Variants in MRPS22 observed in about 807,000 individuals in gnomAD.
MRPS22 encodes small ribosomal subunit protein mS22.
A neutral mutation model predicts 44.0 loss-of-function variants in MRPS22; 30 were observed. That is an observed-to-expected ratio of 0.68 (90% CI 0.51 to 0.93). The LOEUF is 0.93. MRPS22 is among the 40% of genes least tolerant of loss of function. MRPS22 has a pLI of 0.00. For missense variants in MRPS22, 447 were observed against 447.8 expected (o/e 1.00, Z 0.02); for synonymous variants, 165 against 154.4 (o/e 1.07, Z -0.51).
rs760726711 is a variant in MRPS22 at position 139,352,797 on chromosome 3, G to C, written c.878+5G>C. The C allele has an allele frequency of 6.2e-7, 1 of 1,612,570 alleles. No homozygotes were observed. Among genetic ancestry groups the C allele is most frequent in the Non-Finnish European group, 8.5e-7 (1 of 1,179,132 alleles). On this transcript the variant is annotated splice_donor_5th_base_variant and intron_variant, in intron 6 of 7. Transcript: ENST00000680020. ...TGACCAGATTCAGAGAGATTTGTAAGTATGATCTTAGTAAGTGAAAGAATC... is the reference window on the plus strand; with the variant it reads ...TGACCAGATTCAGAGAGATTTGTAACTATGATCTTAGTAAGTGAAAGAATC...
intron 4 of MRPS22, chr3:139,350,553 G>A: frequency 2.0e-6 from 1 of 507,246 alleles, no homozygotes; most frequent in Non-Finnish European, 3.5e-6. Context: ...TCAGCCTCAT[G>A]AGTAGCTGGG....
chr3:139,347,015 A>G lies in MRPS22; in HGVS notation c.310A>G (p.Lys104Glu). 1 of 1,614,208 alleles carries G rather than the reference A, an allele frequency of 6.2e-7. No homozygotes were observed. Among genetic ancestry groups the G allele is most frequent in the South Asian group, 1.1e-5 (1 of 91,088 alleles). ...ACAAGAACTGAAGCCACCAACCTATAAGCTAATGACTCAGGCACAGTTGGA... is the reference window on the plus strand; with the variant it reads ...ACAAGAACTGAAGCCACCAACCTATGAGCTAATGACTCAGGCACAGTTGGA... ...AIQELKPPTYKLMTQAQLEEA... is the reference protein window; with the variant it reads ...AIQELKPPTYELMTQAQLEEA... The change falls in exon 2 of 8, where the codon AAG becomes GAG. Residue 104 changes from lysine (K) to glutamate (E), a missense_variant. Physicochemically the swap from Lys to Glu is moderately conservative, Grantham distance 56 (BLOSUM62 1). Coordinates refer to ENST00000680020, the MANE Select transcript of MRPS22 (RefSeq NM_020191.4).
chr3:139,355,560 C>A, intron 6 of MRPS22, 122 bp from the exon 7 acceptor site: 1 of 841,006 alleles, frequency 1.2e-6, no homozygotes, highest in Non-Finnish European at 2.0e-6. Flanking sequence ...GGTCCTTCCC[C>A]AATCCCTCCA....
chr3:139,350,901 A>G, intron 4 of MRPS22, 76 bp from the exon 5 acceptor site: 1 of 1,121,074 alleles, frequency 8.9e-7, no homozygotes. Flanking sequence ...GTGGGTGGGC[A>G]GGCCTGTCAT....
intron 1 of MRPS22, among the ~76,000 whole-genome samples, chr3:139,346,205 T>C (rs1317705195): frequency 6.6e-6 from 1 of 152,112 alleles, no homozygotes; most frequent in African/African-American, 2.4e-5. Context: ...GCCTAGACTT[T>C]CCCTCCCTTT....
At position 139,352,688 on chromosome 3, in the gene MRPS22, A is replaced by T. The variant is rs751448517; in HGVS notation, c.774A>T (p.Lys258Asn). The change falls in exon 6 of 8, where the codon AAA becomes AAT. Residue 258 changes from lysine (K) to asparagine (N), a missense_variant. Physicochemically the swap from Lys to Asn is moderately conservative, Grantham distance 94. Coordinates refer to ENST00000680020, the MANE Select transcript of MRPS22 (RefSeq NM_020191.4). ...ATGAAGATATAGATAAACGTGGAAA[A>T]TATGACCTTTTACGTTCAACAAGAT... ...KTYEDIDKRG[K>N]YDLLRSTRYF... 2.5e-6 allele frequency: 4 copies of T among 1,613,476 alleles called. No individual in the cohort carries two copies. In the African/African-American group the frequency reaches 4.0e-5, roughly 16 times the overall value.
chr3:139,348,876 T>C (rs1941093654), intron 3 of MRPS22: 2 of 130,130 alleles, frequency 1.5e-5, no homozygotes, highest in Admixed American at 8.9e-5. Context: ...CTTTACTTGA[T>C]TGCAAATTTA....
rs147561953 is a variant in MRPS22 at position 139,346,910 on chromosome 3, A to G, written c.205A>G (p.Thr69Ala). The G allele has an allele frequency of 5.0e-6, 8 of 1,614,154 alleles. No individual in the cohort carries two copies. In the East Asian group the frequency reaches 1.8e-4, roughly 36 times the overall value. ...ESGSPETKKP[T>A]FMDEEVQSIL... Reference sequence around the variant, plus strand: ...TGGTAGCCCAGAGACCAAGAAACCTACATTTATGGATGAGGAAGTTCAAAG... The same window carrying G: ...TGGTAGCCCAGAGACCAAGAAACCTGCATTTATGGATGAGGAAGTTCAAAG... The change falls in exon 2 of 8, where the codon ACA (threonine) becomes GCA (alanine). Residue 69 changes from threonine to alanine, a missense_variant. By Grantham distance (58) the Thr-to-Ala change is moderately conservative. Coordinates refer to ENST00000680020, the MANE Select transcript of MRPS22 (RefSeq NM_020191.4).
intron 2 of MRPS22, 51 bp downstream of exon 2, chr3:139,347,095 C>T: frequency 6.2e-7 from 1 of 1,600,784 alleles, no homozygotes. Context: ...AGGGTTTAAA[C>T]AACATTTCTA....
intron 5 of MRPS22, 198 bp from the exon 6 acceptor site, chr3:139,352,449 T>C (rs1941168992): frequency 1.9e-6 from 1 of 523,824 alleles, no homozygotes; most frequent in South Asian, 2.0e-5. Context: ...TCTTTCTTAA[T>C]AGAATCCTCC....
At position 139,352,781 on chromosome 3, in the gene MRPS22, T is replaced by G. The variant is rs748724919; in HGVS notation, c.867T>G (p.Ile289Met). The change falls in exon 6 of 8, where the codon ATT becomes ATG. Residue 289 changes from isoleucine (I) to methionine (M), a missense_variant. Physicochemically the swap from Ile to Met is conservative, Grantham distance 10 (BLOSUM62 1). Coordinates refer to ENST00000680020, the MANE Select transcript of MRPS22 (RefSeq NM_020191.4). ...KKIDGLLIDQ[I>M]QRDLIDDATN... ...TTGATGGTTTGCTGATTGACCAGAT[T>G]CAGAGAGATTTGTAAGTATGATCTT... 1.2e-6 allele frequency: 2 copies of G among 1,613,380 alleles called. No homozygotes were observed. The highest frequency in any genetic ancestry group is 8.5e-7 in the Non-Finnish European group (1 of 1,179,546).
intron 1 of MRPS22, among the ~76,000 whole-genome samples, chr3:139,345,100 C>T (rs1941014234): frequency 6.6e-6 from 1 of 152,148 alleles, no homozygotes; most frequent in Non-Finnish European, 1.5e-5. Flanking sequence ...CCCTGAGGAA[C>T]CCTGGGTGCC....
Position 139,344,040 on chromosome 3 carries a change from G to A in MRPS22, c.14G>A (p.Gly5Glu), listed in dbSNP as rs1248214117. The A allele has an allele frequency of 1.9e-6, 3 of 1,614,158 alleles. No individual in the cohort carries two copies. The highest frequency in any genetic ancestry group is 2.7e-5 in the African/African-American group (2 of 75,060). MAPL[G>E]TTVLLWSLLR... ...CTTCTGATAATCATGGCGCCCCTCG[G>A]AACAACTGTATTGCTGTGGAGCCTC... Residue 5 changes from glycine to glutamate, a missense_variant, in exon 1 of 8, where the codon GGA becomes GAA. Transcript: ENST00000680020.
At chr3:139,350,801 T>A (rs1300848206) in intron 4 of MRPS22, 176 bp from the exon 5 acceptor site, 8 of 666,662 alleles carry the variant, frequency 1.2e-5, no homozygotes, top group African/African-American at 3.6e-5. Context: ...CTCTCATAAT[T>A]GGCTTAGCTG....
At chr3:139,348,089 G>A in intron 2 of MRPS22, 71 bp from the exon 3 acceptor site, 3 of 1,507,986 alleles carry the variant, frequency 2.0e-6, no homozygotes, top group Non-Finnish European at 2.7e-6. Context: ...TTATTAGTAT[G>A]TGCTTTTGTC....
chr3:139,355,734 G>A lies in MRPS22; in HGVS notation c.931G>A (p.Gly311Ser). The change falls in exon 7 of 8, where the codon GGC (glycine) becomes AGC (serine). Residue 311 changes from glycine to serine, a missense_variant. Transcript: ENST00000680020. The stretch of plus-strand genomic sequence containing the variant: ...GCTGTATCACGTGCTCCATCCAGAT[G>A]GCCAGTCGGCTCAAGGGGCCAAGGA... ...VQLYHVLHPDGQSAQGAKDQA... is the reference protein window; with the variant it reads ...VQLYHVLHPDSQSAQGAKDQA... The A allele has an allele frequency of 6.2e-7, 1 of 1,614,156 alleles. No individual in the cohort carries two copies. Among genetic ancestry groups the A allele is most frequent in the East Asian group, 2.2e-5 (1 of 44,888 alleles).
chr3:139,349,572 A>G (rs1489741898), intron 3 of MRPS22: 1 of 220,520 alleles, frequency 4.5e-6, no homozygotes. Context: ...TGTGTGGGGT[A>G]AATTTCCAGT....
chr3:139,347,113 C>G, intron 2 of MRPS22, 69 bp downstream of exon 2: 1 of 1,519,560 alleles, frequency 6.6e-7, no homozygotes, highest in Non-Finnish European at 9.1e-7. Context: ...CTAGAGGCCC[C>G]TCCAGATGCT....
chr3:139,352,745 T>C lies in MRPS22; in HGVS notation c.831T>C (p.Asn277=), dbSNP rs1281708504. ...YFGGMVWYFV[N]NKKIDGLLID... ...GTGGAATGGTGTGGTATTTTGTAAA[T>C]AATAAAAAGATTGATGGTTTGCTGA... Residue 277 remains asparagine (N), a synonymous_variant, in exon 6 of 8, where the codon AAT becomes AAC. Coordinates refer to ENST00000680020, the MANE Select transcript of MRPS22 (RefSeq NM_020191.4). The C allele has an allele frequency of 6.2e-7, 1 of 1,613,808 alleles. No individual in the cohort carries two copies. The highest frequency in any genetic ancestry group is 8.5e-7 in the Non-Finnish European group (1 of 1,179,788).
Sources: gnomAD v4.1 joint callset for allele counts (sites outside exome capture counted in the v4.1 genomes callset) on GRCh38, gnomAD v4.1.1 for gene constraint, MANE v1.5 for transcripts, NCBI Gene and HGNC (gene_info 2026-07-23, HGNC 2026-07-21) for gene names.